The following SORCS3 variants were observed in gnomAD, a reference collection of about 807,000 sequenced individuals.
The protein encoded by SORCS3 is VPS10 domain-containing receptor SorCS3.
SORCS3 carries 57 observed loss-of-function variants against 146.3 expected under a neutral mutation model. The ratio of observed to expected loss-of-function variants is 0.39; its 90% CI spans 0.31 to 0.49. SORCS3 has a LOEUF of 0.49. Among genes scored for constraint, SORCS3 ranks in the 20% least tolerant of loss-of-function variants. SORCS3 has a pLI of 0.92. For missense variants in SORCS3, 1,341 were observed against 1,575.5 expected, an observed-to-expected ratio of 0.85 and a Z score of 2.52; for synonymous variants, 653 against 618.5, an observed-to-expected ratio of 1.06 and a Z score of -0.83.
chr10:105,108,810 G>A (rs905594854), intron 7 of SORCS3, among the ~76,000 whole-genome samples: 3 of 152,154 alleles, frequency 2.0e-5, no homozygotes, highest in Non-Finnish European at 4.4e-5. Flanking sequence ...GTAAAAGAAT[G>A]CCAATGAGTT....
chr10:104,837,753 C>G (rs1043290498), intron 1 of SORCS3, among the ~76,000 whole-genome samples: 29 of 152,304 alleles, frequency 1.9e-4, no homozygotes, highest in Admixed American at 7.8e-4. Flanking sequence ...ATAAGAGGTA[C>G]TCGGTAAATA....
In SORCS3 at chr10:104,841,378, G is replaced by A. The variant is rs375364359; in HGVS notation, c.628-1414G>A. Among the ~76,000 whole-genome samples the A allele has an allele frequency of 2.0e-4, 30 of 152,300 alleles. No individual in the cohort carries two copies. In the South Asian group the frequency reaches 6.0e-3, roughly 31 times the overall value. Reference sequence around the variant, plus strand: ...TACTCTTTGATTTGTGCTGTGGTAGGTAGTAGGACAGGTAGCTTGGTAAAT... The same window carrying A: ...TACTCTTTGATTTGTGCTGTGGTAGATAGTAGGACAGGTAGCTTGGTAAAT... On this transcript the variant is annotated intron_variant, in intron 1 of 26. Coordinates refer to ENST00000369701, the MANE Select transcript of SORCS3 (RefSeq NM_014978.3).
At chr10:104,659,439 C>T (rs1209002891) in intron 1 of SORCS3, among the ~76,000 whole-genome samples, 2 of 152,134 alleles carry the variant, frequency 1.3e-5, no homozygotes, top group Non-Finnish European at 2.9e-5. Context: ...ACTCTGATGC[C>T]CATTCGTATT....
intron 12 of SORCS3, 92 bp downstream of exon 12, chr10:105,164,471 G>T: frequency 1.0e-6 from 1 of 971,672 alleles, no homozygotes; most frequent in Non-Finnish European, 1.6e-6. Flanking sequence ...GCCTCATTAT[G>T]ACTTTGTAAT....
At chr10:104,665,997 G>A (rs2015771368) in intron 1 of SORCS3, 1 of 152,112 alleles carries the variant, frequency 6.6e-6, no homozygotes, top group African/African-American at 2.4e-5. Context: ...GTCTCTGGTG[G>A]TCACTGCCTC....
At chr10:105,004,077 T>C (rs1462452118) in intron 4 of SORCS3, among the ~76,000 whole-genome samples, 1 of 151,130 alleles carries the variant, frequency 6.6e-6, no homozygotes, top group Non-Finnish European at 1.5e-5. Flanking sequence ...GTGATAAAAG[T>C]TCTCTGAGTT....
At chr10:104,694,955 C>A (rs559767259) in intron 1 of SORCS3, among the ~76,000 whole-genome samples, 1 of 152,246 alleles carries the variant, frequency 6.6e-6, no homozygotes, top group South Asian at 2.1e-4. Context: ...AACTCTTAGA[C>A]CAAACAGCTT....
chr10:104,762,291 C>T (rs921025280), intron 1 of SORCS3, among the ~76,000 whole-genome samples: 2 of 152,074 alleles, frequency 1.3e-5, no homozygotes, highest in Non-Finnish European at 2.9e-5. Context: ...GGGGGAGAGT[C>T]CTGATTTGTA....
intron 1 of SORCS3, among the ~76,000 whole-genome samples, chr10:104,710,842 A>G (rs2016406777): frequency 6.6e-6 from 1 of 152,186 alleles, no homozygotes; most frequent in East Asian, 1.9e-4. Context: ...ATCACCATAA[A>G]AAGGCAACAT....
At chr10:104,775,530 T>C (rs2017298676) in intron 1 of SORCS3, among the ~76,000 whole-genome samples, 2 of 152,182 alleles carry the variant, frequency 1.3e-5, no homozygotes, top group African/African-American at 4.8e-5. Flanking sequence ...AGAGATGATA[T>C]GTTCAGCTCA....
chr10:105,105,613 G>GTGGA (rs2055815540), intron 7 of SORCS3, 98 bp downstream of exon 7: 1 of 834,122 alleles, frequency 1.2e-6, no homozygotes, highest in African/African-American at 1.7e-5. Flanking sequence ...TTGTGAAGAT[G>GTGGA]TGGAGTTGAG....
At chr10:105,254,360 GATAAAAGA>G (rs1488831303) in intron 23 of SORCS3, among the ~76,000 whole-genome samples, 1 of 152,176 alleles carries the variant, frequency 6.6e-6, no homozygotes, top group Non-Finnish European at 1.5e-5. Flanking sequence ...TAAAGGCATG[GATAAAAGA>G]GCAGTGAATT....
chr10:105,012,017 G>A (rs1278039332), intron 4 of SORCS3, among the ~76,000 whole-genome samples: 3 of 152,192 alleles, frequency 2.0e-5, no homozygotes, highest in Non-Finnish European at 1.5e-5. Context: ...AACTTACATA[G>A]GGTGTTCAGG....
intron 1 of SORCS3, among the ~76,000 whole-genome samples, chr10:104,766,571 T>G (rs956938357): frequency 1.3e-5 from 2 of 152,238 alleles, no homozygotes; most frequent in Non-Finnish European, 2.9e-5. Flanking sequence ...GAATCATGAA[T>G]GAATGACTCA....
intron 1 of SORCS3, among the ~76,000 whole-genome samples, chr10:104,694,421 A>G (rs888019189): frequency 1.6e-4 from 25 of 151,972 alleles, no homozygotes; most frequent in Non-Finnish European, 3.1e-4. Context: ...GAACATGGAT[A>G]TTAGGGTTTT....
At chr10:104,658,072 G>A (rs2015654356) in intron 1 of SORCS3, among the ~76,000 whole-genome samples, 1 of 152,124 alleles carries the variant, frequency 6.6e-6, no homozygotes. Context: ...TTTTAAAATT[G>A]CCTTTCTCCC....
At chr10:104,783,592 T>C (rs1057169907) in intron 1 of SORCS3, among the ~76,000 whole-genome samples, 1 of 152,220 alleles carries the variant, frequency 6.6e-6, no homozygotes, top group African/African-American at 2.4e-5. Flanking sequence ...CCGGGCATGA[T>C]GGCAGGTTCT....
At chr10:104,674,308 G>T (rs547339843) in intron 1 of SORCS3, among the ~76,000 whole-genome samples, 2 of 152,346 alleles carry the variant, frequency 1.3e-5, no homozygotes, top group African/African-American at 4.8e-5. Flanking sequence ...CTCCCCTGGG[G>T]TGTGGACTGG....
intron 3 of SORCS3, among the ~76,000 whole-genome samples, chr10:104,917,815 A>G (rs545951844): frequency 1.3e-5 from 2 of 152,308 alleles, no homozygotes; most frequent in African/African-American, 2.4e-5. Context: ...AAAAGACAAG[A>G]TTTCCTTTTT....
Sources: allele counts gnomAD v4.1 joint callset (sites outside exome capture counted in the v4.1 genomes callset), GRCh38; gene constraint gnomAD v4.1.1; transcripts MANE v1.5; gene names NCBI Gene and HGNC (gene_info 2026-07-23, HGNC 2026-07-21).